Variants in KIAA1217 observed in about 807,000 individuals in gnomAD.
KIAA1217 encodes the protein sickle tail protein homolog.
A neutral mutation model predicts 163.9 loss-of-function variants in KIAA1217; 88 were observed. The observed-to-expected ratio is 0.54, with a 90% CI of 0.45 to 0.64. The LOEUF is 0.64. KIAA1217 is among the 30% of genes least tolerant of loss of function. The probability of loss-of-function intolerance (pLI) is 0.00; values close to 1 mark genes in which losing one functional copy is unlikely to be tolerated. For synonymous variants in KIAA1217, 903 were observed against 923.1 expected (o/e 0.98, Z 0.39); for missense variants, 2,372 against 2,475.0 (o/e 0.96, Z 0.88).
chr10:24,365,641 A>G (rs2050678972), intron 2 of KIAA1217, among the ~76,000 whole-genome samples: 1 of 152,012 alleles, frequency 6.6e-6, no homozygotes, highest in Non-Finnish European at 1.5e-5. Context: ...CACTTTAGCT[A>G]ATTGTTTTTC....
intron 3 of KIAA1217, among the ~76,000 whole-genome samples, chr10:24,391,778 A>G (rs768429986): frequency 2.0e-5 from 3 of 152,214 alleles, no homozygotes; most frequent in Non-Finnish European, 4.4e-5. Context: ...GTAACTGGAA[A>G]GGTAACATAT....
intron 1 of KIAA1217, among the ~76,000 whole-genome samples, chr10:23,832,925 C>T (rs895256276): frequency 1.6e-4 from 24 of 151,962 alleles, no homozygotes; most frequent in Admixed American, 1.5e-3. Flanking sequence ...TTTTGAAAAA[C>T]GTCCGATCTC....
upstream of KIAA1217, among the ~76,000 whole-genome samples, chr10:24,208,353 C>T (rs1485585057): frequency 6.8e-6 from 1 of 146,378 alleles, no homozygotes; most frequent in East Asian, 2.0e-4. Context: ...GTTTACCTTT[C>T]AGATTTGTGA....
chr10:23,962,297 T>C (rs1844850349), intron 1 of KIAA1217, among the ~76,000 whole-genome samples: 3 of 152,192 alleles, frequency 2.0e-5, no homozygotes, highest in Non-Finnish European at 4.4e-5. Flanking sequence ...ATCTATAAAA[T>C]AGGGGTATAT....
intron 11 of KIAA1217, among the ~76,000 whole-genome samples, chr10:24,520,687 C>CACACA (rs1269831674): frequency 1.2e-5 from 1 of 81,500 alleles, no homozygotes; most frequent in Non-Finnish European, 2.3e-5. Flanking sequence ...CACACACACA[C>CACACA]AAAAAAAAAT....
At chr10:24,011,584 A>G (rs948551315) in intron 2 of KIAA1217, among the ~76,000 whole-genome samples, 2 of 152,200 alleles carry the variant, frequency 1.3e-5, no homozygotes, top group Non-Finnish European at 2.9e-5. Context: ...TAGTGCCTCC[A>G]TGTTAACATT....
chr10:24,104,789 G>A (rs760938695), intron 2 of KIAA1217, among the ~76,000 whole-genome samples: 2 of 152,144 alleles, frequency 1.3e-5, no homozygotes, highest in Non-Finnish European at 2.9e-5. Flanking sequence ...TGGATTTTCT[G>A]CTCAATTTTG....
intron 3 of KIAA1217, among the ~76,000 whole-genome samples, chr10:24,396,493 G>A (rs1005684934): frequency 1.3e-5 from 2 of 152,152 alleles, no homozygotes; most frequent in Admixed American, 1.3e-4. Context: ...AAGTGCTATG[G>A]AGAAAAATAA....
At chr10:24,494,246 G>A (rs573874697) in intron 6 of KIAA1217, among the ~76,000 whole-genome samples, 8 of 152,324 alleles carry the variant, frequency 5.3e-5, no homozygotes, top group Admixed American at 1.3e-4. Flanking sequence ...GAGTGTTTCC[G>A]AGGGAGATGT....
At chr10:23,735,119 C>T (rs544992053) in intron 1 of KIAA1217, among the ~76,000 whole-genome samples, 46 of 152,138 alleles carry the variant, frequency 3.0e-4, no homozygotes, top group African/African-American at 1.1e-3. Flanking sequence ...TCTGTGTCTA[C>T]AAAAGTACAC....
intron 1 of KIAA1217, among the ~76,000 whole-genome samples, chr10:23,970,853 C>A (rs1411293354): frequency 6.6e-6 from 1 of 152,212 alleles, no homozygotes; most frequent in African/African-American, 2.4e-5. Flanking sequence ...CTGTACAGGT[C>A]TGCAGCAACC....
At chr10:24,262,062 G>C (rs147672212) in intron 2 of KIAA1217, among the ~76,000 whole-genome samples, 1 of 152,228 alleles carries the variant, frequency 6.6e-6, no homozygotes, top group East Asian at 1.9e-4. Context: ...CAAGGATTCA[G>C]GGAGGAAAAG....
intron 1 of KIAA1217, among the ~76,000 whole-genome samples, chr10:23,744,523 A>T (rs1006282493): frequency 1.3e-5 from 2 of 152,072 alleles, no homozygotes; most frequent in Non-Finnish European, 2.9e-5. Context: ...TCGCATCCCG[A>T]GTGTATCATA....
intron 2 of KIAA1217, among the ~76,000 whole-genome samples, chr10:24,228,961 T>C (rs913216230): frequency 2.6e-5 from 4 of 152,200 alleles, no homozygotes; most frequent in African/African-American, 9.6e-5. Flanking sequence ...TCAAATCAAA[T>C]TGCAGAACTC....
At chr10:24,344,026 G>C (rs1591154770) in intron 2 of KIAA1217, among the ~76,000 whole-genome samples, 1 of 152,174 alleles carries the variant, frequency 6.6e-6, no homozygotes, top group Admixed American at 6.5e-5. Flanking sequence ...TTGCAAAATT[G>C]GTTGCTCAGT....
chr10:24,054,229 A>G (rs1158481581), intron 2 of KIAA1217, among the ~76,000 whole-genome samples: 2 of 152,202 alleles, frequency 1.3e-5, no homozygotes, highest in African/African-American at 4.8e-5. Context: ...TTGTGATGTT[A>G]ATGTGGCACA....
At chr10:24,496,795 G>A (rs1000404959) in intron 8 of KIAA1217, among the ~76,000 whole-genome samples, 3 of 152,164 alleles carry the variant, frequency 2.0e-5, no homozygotes, top group African/African-American at 7.2e-5. Context: ...TATATAGGTT[G>A]TTTCATTTCT....
chr10:23,945,558 C>T lies in KIAA1217; in HGVS notation c.-320-61667C>T, dbSNP rs536233820. Among the ~76,000 whole-genome samples the T allele has an allele frequency of 3.3e-5, 5 of 152,230 alleles. 1 individual carries two copies. In the South Asian group the frequency reaches 8.3e-4, roughly 25 times the overall value. On this transcript the variant is annotated intron_variant, in intron 1 of 18. Transcript: ENST00000376462. ...TGTAGTGGCGGTTACGAAGTGTATA[C>T]ATTTATCAAAACTCAACACATTTTA... is the stretch of plus-strand genomic sequence containing the variant.
intron 1 of KIAA1217, among the ~76,000 whole-genome samples, chr10:23,903,351 T>C (rs1403885981): frequency 6.6e-6 from 1 of 152,134 alleles, no homozygotes; most frequent in African/African-American, 2.4e-5. Context: ...TCAAGGTTTA[T>C]GGCTGAAACC....
Sources: allele counts gnomAD v4.1 joint callset (sites outside exome capture counted in the v4.1 genomes callset), GRCh38; gene constraint gnomAD v4.1.1; transcripts MANE v1.5; gene names NCBI Gene and HGNC (gene_info 2026-07-23, HGNC 2026-07-21).